The following PLA2R1 variants were observed in gnomAD, a reference collection of about 807,000 sequenced individuals.
PLA2R1 encodes secretory phospholipase A2 receptor.
PLA2R1 carries 158 observed loss-of-function variants against 195.9 expected under a neutral mutation model. The ratio of observed to expected loss-of-function variants is 0.81; its 90% CI spans 0.71 to 0.92. The LOEUF (loss-of-function observed/expected upper bound fraction) is 0.92, where lower values mean the gene tolerates loss of function less well. PLA2R1 is among the 40% of genes least tolerant of loss of function. The pLI is 0.00. For synonymous variants in PLA2R1, 586 were observed against 598.2 expected (o/e 0.98, Z 0.30); for missense variants, 1,626 against 1,764.6 (o/e 0.92, Z 1.41).
rs1693960660 is a variant in PLA2R1 at position 160,033,101 on chromosome 2, C to A, written c.699G>T (p.Trp233Cys). 2 of 1,612,684 alleles carry A rather than the reference C, an allele frequency of 1.2e-6. No homozygotes were observed. Among genetic ancestry groups the A allele is most frequent in the East Asian group, 4.5e-5 (2 of 44,788 alleles). ...AAATGTGTGAATTGAGGTCCTTCTC[C>A]CAAATAGTATCACAACCTACTTCTG... ...TSAEVGCDTI[W>C]EKDLNSHICY... The change falls in exon 4 of 30, where the codon TGG becomes TGT. Residue 233 changes from tryptophan to cysteine, a missense_variant. Trp to Cys is a radical substitution (Grantham distance 215). Coordinates refer to ENST00000283243, the MANE Select transcript of PLA2R1 (RefSeq NM_007366.5).
rs981807809 is a variant in PLA2R1, at chr2:159,968,526, G to A, written c.2764+730C>T. ...GTAAAAGCAGGCTGATTAACCACAC[G>A]GATTTTCCTTTCCTAACTCTCTGCA... On this transcript the variant is annotated intron_variant, in intron 19 of 29. Coordinates refer to ENST00000283243, the MANE Select transcript of PLA2R1 (RefSeq NM_007366.5). Among the ~76,000 whole-genome samples the A allele has an allele frequency of 7.2e-5, 11 of 152,208 alleles. No homozygotes were observed. The South Asian group carries it at 1.0e-3, about 14-fold the overall frequency.
chr2:159,945,116 G>A (rs895178862), intron 27 of PLA2R1, 34 bp from the exon 28 acceptor site: 2 of 1,500,362 alleles, frequency 1.3e-6, no homozygotes, highest in African/African-American at 2.8e-5. Flanking sequence ...TATGAATTAT[G>A]TGCATGGTTA....
chr2:159,968,281 A>G (rs1445064086), intron 19 of PLA2R1, among the ~76,000 whole-genome samples: 2 of 151,798 alleles, frequency 1.3e-5, no homozygotes, highest in East Asian at 3.9e-4. Flanking sequence ...AATAAGGATT[A>G]TAGAATGCAT....
At chr2:160,022,066 A>AT (rs1334892537) in intron 7 of PLA2R1, among the ~76,000 whole-genome samples, 5 of 152,174 alleles carry the variant, frequency 3.3e-5, no homozygotes, top group African/African-American at 1.2e-4. Context: ...GATCCTGGAC[A>AT]TTTTTTTGTA....
intron 7 of PLA2R1, among the ~76,000 whole-genome samples, chr2:160,020,607 G>C (rs939861305): frequency 3.9e-5 from 6 of 152,080 alleles, no homozygotes; most frequent in African/African-American, 1.4e-4. Context: ...GAATGGTACT[G>C]GTGGCTTTAT....
At chr2:160,039,995 T>C (rs1694424211) in intron 3 of PLA2R1, among the ~76,000 whole-genome samples, 3 of 152,068 alleles carry the variant, frequency 2.0e-5, no homozygotes, top group Admixed American at 6.5e-5. Context: ...GAAGTACGTG[T>C]TAACTTTATT....
At chr2:160,034,780 A>T (rs1470188352) in intron 3 of PLA2R1, among the ~76,000 whole-genome samples, 1 of 152,134 alleles carries the variant, frequency 6.6e-6, no homozygotes, top group South Asian at 2.1e-4. Flanking sequence ...AAAAAGAGAA[A>T]GAAAGATGCC....
intron 3 of PLA2R1, among the ~76,000 whole-genome samples, chr2:160,033,710 T>C (rs1299307388): frequency 2.6e-5 from 4 of 152,226 alleles, no homozygotes; most frequent in East Asian, 1.9e-4. Context: ...TGGCCGAAGA[T>C]TGCATAGTGT....
intron 8 of PLA2R1, among the ~76,000 whole-genome samples, chr2:160,017,397 T>C (rs1385993885): frequency 1.3e-5 from 2 of 152,232 alleles, no homozygotes; most frequent in African/African-American, 4.8e-5. Context: ...CCTGACCAAG[T>C]GAGAGTGCTG....
chr2:159,943,803 C>CTT (rs757413252), intron 28 of PLA2R1, among the ~76,000 whole-genome samples: 7 of 140,092 alleles, frequency 5.0e-5, no homozygotes, highest in Admixed American at 7.1e-5. Flanking sequence ...CCATGTTTTT[C>CTT]TTTTTTTTTT....
rs754616379 is a variant in PLA2R1, at chr2:159,939,994, A to G, written c.*1784T>C. 5.9e-5 allele frequency: 9 copies of G among 152,246 alleles called. No individual in the cohort carries two copies. The highest frequency in any genetic ancestry group is 1.2e-4 in the Non-Finnish European group (8 of 68,040). The allele number at this position is 152,246 out of a possible 1,614,324, so 9.4% of individuals were successfully genotyped here. A position where few individuals can be genotyped will look rare whatever the true frequency, so the allele number is the denominator to read the frequency against. The stretch of plus-strand genomic sequence containing the variant: ...GGTAGACTGTCCCAGTGTGTAAATT[A>G]TTATAACAGTAGCAAAGAGCTGCTT... On this transcript the variant is annotated 3_prime_UTR_variant, in exon 30 of 30. Transcript: ENST00000283243.
At position 159,998,149 on chromosome 2, in the gene PLA2R1, G is replaced by A. The variant is rs1034543432; in HGVS notation, c.1834+7503C>T. Among the ~76,000 whole-genome samples the A allele has an allele frequency of 3.3e-5, 5 of 152,112 alleles. No homozygotes were observed. The East Asian group carries it at 9.6e-4, about 29-fold the overall frequency. ...TTGGTGGCTGGTCCAGCACAGAATA[G>A]GTCCTGCATCTTAGAATGTATGGGT... On this transcript the variant is annotated intron_variant, in intron 11 of 29. Coordinates refer to ENST00000283243, the MANE Select transcript of PLA2R1 (RefSeq NM_007366.5).
intron 11 of PLA2R1, among the ~76,000 whole-genome samples, chr2:159,997,424 T>TA (rs1271320291): frequency 6.6e-6 from 1 of 152,250 alleles, no homozygotes; most frequent in African/African-American, 2.4e-5. Flanking sequence ...CAGTCTCTGG[T>TA]AAAATAGCCT....
chr2:159,951,502 G>A lies in PLA2R1; in HGVS notation c.3378C>T (p.Tyr1126=), dbSNP rs1172319494. The part of the protein sequence containing the change: ...PNTLEYGNRT[Y]KIINANMTWY... ...AAGTCATATTTGCATTAATTATTTTGTAAGTTCTGTTTCCATATTCTAAGG... is the reference window on the plus strand; with the variant it reads ...AAGTCATATTTGCATTAATTATTTTATAAGTTCTGTTTCCATATTCTAAGG... The change falls in exon 24 of 30, where the codon TAC becomes TAT. Residue 1126 remains tyrosine (Y), a synonymous_variant. Coordinates refer to ENST00000283243, the MANE Select transcript of PLA2R1 (RefSeq NM_007366.5). 4 of 1,609,822 alleles carry A rather than the reference G, an allele frequency of 2.5e-6. No individual in the cohort carries two copies. The African/African-American group carries it at 4.0e-5, about 16-fold the overall frequency.
chr2:159,958,154 G>A (rs927312441), intron 20 of PLA2R1, among the ~76,000 whole-genome samples: 1 of 152,116 alleles, frequency 6.6e-6, no homozygotes, highest in South Asian at 2.1e-4. Context: ...TGGATCATGG[G>A]GCAGATCCCT....
chr2:160,038,142 TTC>T (rs1558984353), intron 3 of PLA2R1, among the ~76,000 whole-genome samples: 1 of 152,218 alleles, frequency 6.6e-6, no homozygotes, highest in Non-Finnish European at 1.5e-5. Context: ...CTTTTGCGAA[TTC>T]TCTCTATTTA....
At chr2:160,049,611 TA>T (rs1047440968) in intron 1 of PLA2R1, among the ~76,000 whole-genome samples, 18 of 152,184 alleles carry the variant, frequency 1.2e-4, no homozygotes, top group African/African-American at 4.3e-4. Context: ...CTCACACCTG[TA>T]ATCCCAGCAC....
intron 17 of PLA2R1, among the ~76,000 whole-genome samples, chr2:159,971,091 T>TA (rs1689137389): frequency 6.6e-6 from 1 of 152,120 alleles, no homozygotes; most frequent in Non-Finnish European, 1.5e-5. Flanking sequence ...TCCCAGAACT[T>TA]AAAGTATAAT....
At chr2:159,997,092 T>C (rs191535346) in intron 11 of PLA2R1, among the ~76,000 whole-genome samples, 3 of 152,270 alleles carry the variant, frequency 2.0e-5, no homozygotes, top group Non-Finnish European at 4.4e-5. Flanking sequence ...TCTTGTAATA[T>C]TTTTGTTGAA....
Sources: gnomAD v4.1 joint callset for allele counts (sites outside exome capture counted in the v4.1 genomes callset) on GRCh38, gnomAD v4.1.1 for gene constraint, MANE v1.5 for transcripts, NCBI Gene and HGNC (gene_info 2026-07-23, HGNC 2026-07-21) for gene names.